The following KRABD5 variants were observed in gnomAD, a reference collection of about 807,000 sequenced individuals.
The protein encoded by KRABD5 is KRAB domain containing 5, also known as KRAB domain-containing protein 5.
chr16:31,718,759 C>T, the KRABD5 span, among the ~76,000 whole-genome samples: 2 of 152,210 alleles, frequency 1.3e-5, no homozygotes, highest in Non-Finnish European at 2.9e-5. Context: ...ACAGAGTCAG[C>T]CTGAGTCTCT....
the KRABD5 span, chr16:31,753,790 G>T: frequency 1.9e-5 from 29 of 1,521,420 alleles, 1 homozygote; most frequent in South Asian, 3.8e-5. Context: ...GATACTCAAG[G>T]CCTCTTAAGA....
chr16:31,754,616 G>A, the KRABD5 span: 1 of 473,078 alleles, frequency 2.1e-6, no homozygotes, highest in Admixed American at 2.3e-5. Flanking sequence ...CTTTATTCAA[G>A]AGAAGTCTGC....
chr16:31,713,588 G>A, the KRABD5 span: 19 of 1,167,186 alleles, frequency 1.6e-5, no homozygotes, highest in East Asian at 5.1e-4. Context: ...TGGCGGCCGG[G>A]CCGGCAGCCG....
At chr16:31,759,402 T>A in the KRABD5 span, 1,009,847 of 1,530,798 alleles carry the variant, frequency 0.66, 342,539 homozygotes, top group Non-Finnish European at 0.71. Flanking sequence ...TAATCTCTGC[T>A]TGAGAAAAAG....
At chr16:31,753,034 G>A in the KRABD5 span, among the ~76,000 whole-genome samples, 13 of 151,938 alleles carry the variant, frequency 8.6e-5, no homozygotes, top group Non-Finnish European at 1.5e-4. Flanking sequence ...TTGTGATTTT[G>A]TTGATATTTT....
chr16:31,758,499 C>G, the KRABD5 span: 1 of 151,996 alleles, frequency 6.6e-6, no homozygotes, highest in Non-Finnish European at 1.5e-5. Flanking sequence ...TTGGGCCAGT[C>G]TCGGTGGCAC....
the KRABD5 span, chr16:31,756,457 A>G: frequency 6.6e-6 from 1 of 152,082 alleles, no homozygotes; most frequent in African/African-American, 2.4e-5. Context: ...ATATTATTTG[A>G]TGTGTTAAAA....
At chr16:31,714,411 A>C in the KRABD5 span, 5 of 456,202 alleles carry the variant, frequency 1.1e-5, no homozygotes, top group South Asian at 6.2e-5. Context: ...CTGTCCCTTC[A>C]GTTGAGGTAG....
the KRABD5 span, chr16:31,753,990 C>T: frequency 6.8e-7 from 1 of 1,478,206 alleles, no homozygotes; most frequent in Non-Finnish European, 9.3e-7. Flanking sequence ...TACAGGAGGT[C>T]AAAAACATGA....
the KRABD5 span, among the ~76,000 whole-genome samples, chr16:31,737,425 GA>G: frequency 2.0e-5 from 3 of 150,508 alleles, no homozygotes; most frequent in African/African-American, 4.8e-5. Flanking sequence ...ATCTGAAAAA[GA>G]AAATAAAAAA....
the KRABD5 span, among the ~76,000 whole-genome samples, chr16:31,745,878 T>G: frequency 4.6e-5 from 7 of 152,330 alleles, no homozygotes; most frequent in East Asian, 1.3e-3. Context: ...TGTAATACTC[T>G]TCTTTGCTTG....
At chr16:31,736,102 T>C in the KRABD5 span, among the ~76,000 whole-genome samples, 1 of 152,214 alleles carries the variant, frequency 6.6e-6, no homozygotes, top group Admixed American at 6.5e-5. Flanking sequence ...GGTCTAGTCT[T>C]ATTCTTCTGT....
At chr16:31,722,514 TCA>T in the KRABD5 span, 1 of 1,171,708 alleles carries the variant, frequency 8.5e-7, no homozygotes, top group South Asian at 1.4e-5. Context: ...ATATTTCAGG[TCA>T]CTCATATAAA....
At chr16:31,754,780 T>C in the KRABD5 span, 2 of 464,168 alleles carry the variant, frequency 4.3e-6, no homozygotes, top group East Asian at 1.4e-4. Context: ...TAATCCATAA[T>C]GAAGAGAAAC....
the KRABD5 span, among the ~76,000 whole-genome samples, chr16:31,748,397 G>C: frequency 6.6e-6 from 1 of 152,200 alleles, no homozygotes; most frequent in African/African-American, 2.4e-5. Flanking sequence ...CCGTAGCCTT[G>C]TAGTATAGTT....
chr16:31,716,249 C>G, the KRABD5 span, among the ~76,000 whole-genome samples: 219 of 152,236 alleles, frequency 1.4e-3, no homozygotes, highest in African/African-American at 4.8e-3. Flanking sequence ...TCTCATCTGC[C>G]TGCATGGACA....
At chr16:31,742,619 C>T in the KRABD5 span, among the ~76,000 whole-genome samples, 1 of 152,178 alleles carries the variant, frequency 6.6e-6, no homozygotes, top group African/African-American at 2.4e-5. Flanking sequence ...CTGCAGCAAA[C>T]ATACGTGTGC....
chr16:31,729,918 C>T, the KRABD5 span, among the ~76,000 whole-genome samples: 2 of 152,046 alleles, frequency 1.3e-5, no homozygotes, highest in African/African-American at 4.8e-5. Context: ...TGCTTTTCCT[C>T]CCCTTCACAC....
chr16:31,719,132 T>C, the KRABD5 span, among the ~76,000 whole-genome samples: 1 of 152,326 alleles, frequency 6.6e-6, no homozygotes, highest in Admixed American at 6.5e-5. Flanking sequence ...CTGGGAACTT[T>C]CAGTCTAGAG....
Sources: allele counts gnomAD v4.1 joint callset (sites outside exome capture counted in the v4.1 genomes callset), GRCh38; gene constraint gnomAD v4.1.1; transcripts MANE v1.5; gene names NCBI Gene and HGNC (gene_info 2026-07-23, HGNC 2026-07-21).